The following PGAP1 variants were observed in gnomAD, a reference collection of about 807,000 sequenced individuals.
PGAP1 encodes the protein post-GPI attachment to proteins inositol deacylase 1.
In PGAP1, 76 loss-of-function variants were observed where a neutral mutation model predicts 127.0. That is an observed-to-expected ratio of 0.60 (90% CI 0.50 to 0.72). PGAP1 has a LOEUF of 0.72. Among genes scored for constraint, PGAP1 ranks in the 30% least tolerant of loss-of-function variants. PGAP1 has a pLI of 0.00. For synonymous variants in PGAP1, 362 were observed against 366.5 expected, an observed-to-expected ratio of 0.99 and a Z score of 0.14; for missense variants, 982 against 1,071.3, an observed-to-expected ratio of 0.92 and a Z score of 1.16.
rs756609752 is a variant in PGAP1, at chr2:196,847,110, CA to C, written c.2042del (p.Leu681ArgfsTer4). 1.7e-5 allele frequency: 28 copies of C among 1,613,356 alleles called. No individual in the cohort carries two copies. Among genetic ancestry groups the C allele is most frequent in the Admixed American group, 1.7e-5 (1 of 59,998 alleles). On this transcript the variant is annotated frameshift_variant, in exon 22 of 27. Coordinates refer to ENST00000354764, the MANE Select transcript of PGAP1 (RefSeq NM_024989.4). LOFTEE classifies it high-confidence loss of function. ...CAAACAGAAAGAGAATCAAGGATATCAGGGGGAAACACATACTCTGACAAGT... is the reference window on the plus strand; with the variant it reads ...CAAACAGAAAGAGAATCAAGGATATCGGGGGAAACACATACTCTGACAAGT... ...ILTCQSMCFP[L>X]ISLILFLFGT...
intron 1 of PGAP1, chr2:196,922,276 A>G (rs1255131599): frequency 1.7e-6 from 2 of 1,184,224 alleles, no homozygotes; most frequent in African/African-American, 3.3e-5. Flanking sequence ...ATTTTATGAT[A>G]TTACTTAATT....
In PGAP1 at chr2:196,885,980, T is replaced by C. The variant is rs561073362; in HGVS notation, c.1174-100A>G. ...CAACACTTTTTATTGTTATATGATA[T>C]AGGGTGACTAGGAGCAAGTGAAACG... On this transcript the variant is annotated intron_variant, in intron 10 of 26. Transcript: ENST00000354764. 18 of 649,136 alleles carry C rather than the reference T, an allele frequency of 2.8e-5. No homozygotes were observed. The South Asian group carries it at 1.2e-3, about 45-fold the overall frequency. The allele number at this position is 649,136 out of a possible 1,614,324, so 40.2% of individuals were successfully genotyped here.
intron 21 of PGAP1, 151 bp from the exon 22 acceptor site, chr2:196,847,351 T>A: frequency 1.7e-6 from 1 of 581,614 alleles, no homozygotes; most frequent in African/African-American, 1.9e-5. Flanking sequence ...TAATTCTTTG[T>A]ATGGAACAAG....
At position 196,864,972 on chromosome 2, in the gene PGAP1, T is replaced by G. The variant is rs1701190853; in HGVS notation, c.1861+15A>C. On this transcript the variant is annotated intron_variant, in intron 20 of 26. Coordinates refer to ENST00000354764, the MANE Select transcript of PGAP1 (RefSeq NM_024989.4). ...TTCATAACAAAAGTAACTTAAAAATTAGAAGCATTCTTACCTGTTGAGAAA... is the reference window on the plus strand; with the variant it reads ...TTCATAACAAAAGTAACTTAAAAATGAGAAGCATTCTTACCTGTTGAGAAA... The G allele has an allele frequency of 7.1e-7, 1 of 1,415,152 alleles. No individual in the cohort carries two copies. Among genetic ancestry groups the G allele is most frequent in the African/African-American group, 1.5e-5 (1 of 67,524 alleles). The allele number at this position is 1,415,152 out of a possible 1,614,324, so 87.7% of individuals were successfully genotyped here.
intron 7 of PGAP1, among the ~76,000 whole-genome samples, chr2:196,896,785 C>T (rs1336835358): frequency 1.4e-5 from 2 of 141,772 alleles, no homozygotes; most frequent in East Asian, 2.1e-4. Flanking sequence ...GCCGAGATCA[C>T]GCCACTGCAC....
intron 1 of PGAP1, chr2:196,922,286 T>G (rs1703221665): frequency 8.5e-7 from 1 of 1,176,854 alleles, no homozygotes; most frequent in African/African-American, 1.6e-5. Flanking sequence ...ATTACTTAAT[T>G]GTAAACTTAA....
intron 12 of PGAP1, among the ~76,000 whole-genome samples, chr2:196,881,694 T>C (rs556016652): frequency 6.6e-6 from 1 of 152,238 alleles, no homozygotes; most frequent in Non-Finnish European, 1.5e-5. Flanking sequence ...TTTCATGTCC[T>C]TTGCCCACTT....
chr2:196,842,054 A>C lies in PGAP1; in HGVS notation c.2630+667T>G, dbSNP rs555774452. Among the ~76,000 whole-genome samples, 9 of 151,752 alleles carry C rather than the reference A, an allele frequency of 5.9e-5. No homozygotes were observed. The South Asian group carries it at 1.2e-3, about 21-fold the overall frequency. ...TTTATTTTAACCCTACTTATAAAAA[A>C]AAAAAACAAAAAACCAAAGAACCAT... On this transcript the variant is annotated intron_variant, in intron 26 of 26. Coordinates refer to ENST00000354764, the MANE Select transcript of PGAP1 (RefSeq NM_024989.4).
intron 20 of PGAP1, among the ~76,000 whole-genome samples, chr2:196,864,093 CT>C (rs140889552): frequency 0.02 from 2,983 of 151,958 alleles, 101 homozygotes; most frequent in African/African-American, 0.068. Context: ...TAAAATACTT[CT>C]TAAAAAGTAA....
chr2:196,848,361 T>A (rs1373620653), intron 20 of PGAP1, among the ~76,000 whole-genome samples: 1 of 152,208 alleles, frequency 6.6e-6, no homozygotes, highest in Non-Finnish European at 1.5e-5. Flanking sequence ...TATTTAAACA[T>A]ATACAATTTA....
rs1700250215 is a variant in PGAP1, at chr2:196,836,848, C to T, written c.*4386G>A. The T allele has an allele frequency of 6.6e-6, 1 of 152,114 alleles. No individual in the cohort carries two copies. The highest frequency in any genetic ancestry group is 2.1e-4 in the South Asian group (1 of 4,836). The allele number at this position is 152,114 out of a possible 1,614,324, so 9.4% of individuals were successfully genotyped here. ...CTTTCTTATCCTGGCAAATGTCATG[C>T]ACTCCAAATGGATTTTCCCCAGTAA... On this transcript the variant is annotated 3_prime_UTR_variant, in exon 27 of 27. Coordinates refer to ENST00000354764, the MANE Select transcript of PGAP1 (RefSeq NM_024989.4).
At chr2:196,919,071 A>G (rs953172109) in intron 2 of PGAP1, among the ~76,000 whole-genome samples, 1 of 152,080 alleles carries the variant, frequency 6.6e-6, no homozygotes, top group Non-Finnish European at 1.5e-5. Flanking sequence ...CCCTCAGTCA[A>G]GCATCTCCTC....
intron 7 of PGAP1, among the ~76,000 whole-genome samples, chr2:196,895,893 G>A (rs1702254068): frequency 6.6e-6 from 1 of 152,162 alleles, no homozygotes; most frequent in Non-Finnish European, 1.5e-5. Context: ...GCTTTGCCAT[G>A]AAAAAGACTA....
At chr2:196,858,888 G>A (rs544401920) in intron 20 of PGAP1, among the ~76,000 whole-genome samples, 2 of 152,102 alleles carry the variant, frequency 1.3e-5, no homozygotes, top group South Asian at 4.2e-4. Flanking sequence ...TGATACCACA[G>A]AAATAGAAAG....
chr2:196,914,841 T>C (rs1702951033), intron 3 of PGAP1, among the ~76,000 whole-genome samples: 1 of 148,042 alleles, frequency 6.8e-6, no homozygotes, highest in Non-Finnish European at 1.5e-5. Flanking sequence ...TGAGACAGGG[T>C]CTCACTCTGT....
chr2:196,849,283 T>C (rs866164970), intron 20 of PGAP1, among the ~76,000 whole-genome samples: 51 of 145,242 alleles, frequency 3.5e-4, no homozygotes, highest in South Asian at 1.6e-3. Context: ...TTTTTTTTTT[T>C]ATAAAGAGTC....
chr2:196,865,131 G>A lies in PGAP1; in HGVS notation c.1768-51C>T, dbSNP rs757510713. On this transcript the variant is annotated intron_variant, in intron 19 of 26. Coordinates refer to ENST00000354764, the MANE Select transcript of PGAP1 (RefSeq NM_024989.4). ...AACTCCTGAATATTCATGTTAATAA[G>A]TGTACTTTCACATAAAATTTAAAAG... is the stretch of plus-strand genomic sequence containing the variant. 44 of 1,010,524 alleles carry A rather than the reference G, an allele frequency of 4.4e-5. No individual in the cohort carries two copies. In the East Asian group the frequency reaches 1.1e-3, roughly 26 times the overall value. 62.6% of individuals were successfully genotyped at this position (1,010,524 alleles called of 1,614,324 possible). A position where few individuals can be genotyped will look rare whatever the true frequency, so the allele number is the denominator to read the frequency against.
chr2:196,925,334 C>A (rs889887515), intron 1 of PGAP1, among the ~76,000 whole-genome samples: 1 of 151,762 alleles, frequency 6.6e-6, no homozygotes, highest in Non-Finnish European at 1.5e-5. Context: ...TACAAAGAAG[C>A]AATCAGGACT....
Position 196,835,162 on chromosome 2 carries a change from A to T in PGAP1, c.*6072T>A, listed in dbSNP as rs960154962. On this transcript the variant is annotated 3_prime_UTR_variant, in exon 27 of 27. Transcript: ENST00000354764. ...ACATTTTCTACTTTTCTTCCATGAG[A>T]ACAACATATTAATGTTAACACTTTA... The T allele has an allele frequency of 2.6e-5, 4 of 152,038 alleles. No individual in the cohort carries two copies. Among genetic ancestry groups the T allele is most frequent in the African/African-American group, 4.8e-5 (2 of 41,450 alleles). The allele number at this position is 152,038 out of a possible 1,614,324, so 9.4% of individuals were successfully genotyped here. A position where few individuals can be genotyped will look rare whatever the true frequency, so the allele number is the denominator to read the frequency against.
Sources: allele counts gnomAD v4.1 joint callset (sites outside exome capture counted in the v4.1 genomes callset), GRCh38; gene constraint gnomAD v4.1.1; transcripts MANE v1.5; gene names NCBI Gene and HGNC (gene_info 2026-07-23, HGNC 2026-07-21).